Variants in DNAH9 observed in about 807,000 individuals in gnomAD.
DNAH9 encodes DNAH9 variant protein.
A neutral mutation model predicts 471.6 loss-of-function variants in DNAH9; 345 were observed. The observed-to-expected ratio is 0.73, with a 90% CI of 0.67 to 0.80. DNAH9 has a LOEUF of 0.80. Among genes scored for constraint, DNAH9 ranks in the 30% least tolerant of loss-of-function variants. The pLI, the probability that DNAH9 is intolerant of heterozygous loss-of-function variation, is 0.00. For missense variants in DNAH9, 5,407 were observed against 5,609.2 expected (o/e 0.96, Z 1.15); for synonymous variants, 2,093 against 2,123.6 (o/e 0.99, Z 0.40).
chr17:11,672,105 A>T (rs2073982361), intron 17 of DNAH9, among the ~76,000 whole-genome samples: 1 of 152,174 alleles, frequency 6.6e-6, no homozygotes, highest in Non-Finnish European at 1.5e-5. Context: ...TGTGATTTCC[A>T]CCTTTCCTTA....
At position 11,623,474 on chromosome 17, in the gene DNAH9, T is replaced by G. The variant is rs2072913848; in HGVS notation, c.1350+3693T>G. Among the ~76,000 whole-genome samples the G allele has an allele frequency of 6.6e-6, 1 of 152,130 alleles. No homozygotes were observed. The highest frequency in any genetic ancestry group is 6.6e-5 in the Admixed American group (1 of 15,266). On this transcript the variant is annotated intron_variant, in intron 6 of 68. Coordinates refer to ENST00000262442, the MANE Select transcript of DNAH9 (RefSeq NM_001372.4). The surrounding 1 kb of genome is among the most constrained non-coding windows in gnomAD (Gnocchi z 4.1). ...TTTTCCTCATATTTCCTCCCCTCTT[T>G]TATTTTTAATCTCCCAAATGTCTGC...
rs769851807 is a variant in DNAH9 at position 11,784,553 on chromosome 17, C to A, written c.8061+14C>A. ...AACATTTTCCAGGTGAGTTCATCGG[C>A]TCCGAGACACCCTAGGGGCTTAGTG... On this transcript the variant is annotated intron_variant, in intron 41 of 68. Transcript: ENST00000262442. The A allele has an allele frequency of 1.2e-6, 2 of 1,614,154 alleles. No individual in the cohort carries two copies. Among genetic ancestry groups the A allele is most frequent in the South Asian group, 2.2e-5 (2 of 91,076 alleles).
Position 11,602,168 on chromosome 17 carries a change from C to T in DNAH9, c.417+3253C>T, listed in dbSNP as rs75477773. Among the ~76,000 whole-genome samples the T allele has an allele frequency of 4.1e-3, 620 of 152,092 alleles. 24 individuals are homozygous for T. The East Asian group carries it at 0.081, about 20-fold the overall frequency. On this transcript the variant is annotated intron_variant, in intron 1 of 68. Coordinates refer to ENST00000262442, the MANE Select transcript of DNAH9 (RefSeq NM_001372.4). ...AGCATAAGATTTGGAATCTCACAGA[C>T]CTAAGTCAAATTCTGGTTAAATTCA...
rs1321866760 is a variant in DNAH9, at chr17:11,651,308, G to C, written c.2337G>C (p.Leu779Phe). 8 of 1,613,048 alleles carry C rather than the reference G, an allele frequency of 5.0e-6. No individual in the cohort carries two copies. The highest frequency in any genetic ancestry group is 6.8e-6 in the Non-Finnish European group (8 of 1,179,680). Residue 779 changes from leucine to phenylalanine, a missense_variant, in exon 13 of 69, where the codon TTG becomes TTC. Physicochemically the swap from Leu to Phe is conservative, Grantham distance 22. Transcript: ENST00000262442. Reference protein sequence around the residue: ...DLRLRAAEETLNWKTEGICDY... With the variant: ...DLRLRAAEETFNWKTEGICDY... ...GCCTCAGAGCAGCAGAGGAGACTTT[G>C]AACTGGAAAACAGAAGGTAACAGGG...
chr17:11,744,981 C>T lies in DNAH9; in HGVS notation c.6296C>T (p.Pro2099Leu), dbSNP rs768380502. 6.2e-7 allele frequency: 1 copy of T among 1,614,038 alleles called. No individual in the cohort carries two copies. Among genetic ancestry groups the T allele is most frequent in the African/African-American group, 1.3e-5 (1 of 74,908 alleles). Reference sequence around the variant, plus strand: ...ATGGGCCTGATCGGGGACCTCTTTCCCGCCCTGGATGTCCCCCGGAGGAGA... The same window carrying T: ...ATGGGCCTGATCGGGGACCTCTTTCTCGCCCTGGATGTCCCCCGGAGGAGA... ...IFMGLIGDLF[P>L]ALDVPRRRDP... The change falls in exon 31 of 69, where the codon CCC becomes CTC. Residue 2099 changes from proline (P) to leucine (L), a missense_variant. Transcript: ENST00000262442.
At position 11,762,969 on chromosome 17, in the gene DNAH9, C is replaced by T. The variant is rs148175648; in HGVS notation, c.6996-471C>T. ...TAATTTTTTGTATTTTTAGTAGAGA[C>T]GGGGTTTCACCATGTTAGCCAGAAT... is the stretch of plus-strand genomic sequence containing the variant. On this transcript the variant is annotated intron_variant, in intron 35 of 68. Transcript: ENST00000262442. Among the ~76,000 whole-genome samples the T allele has an allele frequency of 1.5e-4, 23 of 151,646 alleles. No homozygotes were observed. The East Asian group carries it at 2.7e-3, about 18-fold the overall frequency.
intron 12 of DNAH9, among the ~76,000 whole-genome samples, chr17:11,650,559 T>A (rs1455488128): frequency 6.6e-6 from 1 of 152,224 alleles, no homozygotes; most frequent in Non-Finnish European, 1.5e-5. Context: ...AATGATTACA[T>A]TGAATAACTA....
intron 4 of DNAH9, among the ~76,000 whole-genome samples, chr17:11,615,589 C>T (rs541473393): frequency 5.9e-5 from 9 of 151,360 alleles, no homozygotes; most frequent in African/African-American, 2.2e-4. Flanking sequence ...CATCCCCACC[C>T]CAAAAGAAAA....
intron 4 of DNAH9, among the ~76,000 whole-genome samples, chr17:11,615,478 G>C (rs1162933719): frequency 6.6e-6 from 1 of 151,996 alleles, no homozygotes; most frequent in African/African-American, 2.4e-5. Flanking sequence ...CCAGCTACTA[G>C]GGAGGCTGAG....
chr17:11,731,397 CT>C (rs554155627), intron 28 of DNAH9, among the ~76,000 whole-genome samples: 116 of 147,998 alleles, frequency 7.8e-4, no homozygotes, highest in African/African-American at 2.4e-3. Flanking sequence ...CAGGTCTTCT[CT>C]TTTTTTTTTT....
chr17:11,895,025 G>A (rs1973178722), intron 59 of DNAH9, among the ~76,000 whole-genome samples: 1 of 152,158 alleles, frequency 6.6e-6, no homozygotes, highest in Non-Finnish European at 1.5e-5. Flanking sequence ...TGGGCAATAG[G>A]TATTATTTGT....
rs567309813 is a variant in DNAH9, at chr17:11,753,867, C to A, written c.6738+907C>A. On this transcript the variant is annotated intron_variant, in intron 33 of 68. Transcript: ENST00000262442. ...TACCTGTGCAGGTTTGTTACGTAGGCAAACTCATGTCACAGGGGTTTGTTG... is the reference window on the plus strand; with the variant it reads ...TACCTGTGCAGGTTTGTTACGTAGGAAAACTCATGTCACAGGGGTTTGTTG... 5.1e-4 allele frequency among the ~76,000 whole-genome samples: 78 copies of A among 152,252 alleles called. 2 individuals are homozygous for A. The highest frequency in any genetic ancestry group is 6.8e-3 in the Middle Eastern group (2 of 294).
intron 51 of DNAH9, among the ~76,000 whole-genome samples, chr17:11,869,665 C>CT (rs1380015705): frequency 6.6e-6 from 1 of 152,154 alleles, no homozygotes; most frequent in Admixed American, 6.5e-5. Flanking sequence ...AGAATGAGAC[C>CT]TACTGACCCT....
rs1369461288 is a variant in DNAH9, at chr17:11,640,146, T to G, written c.1787-124T>G. The G allele has an allele frequency of 4.6e-6, 3 of 648,748 alleles. No individual in the cohort carries two copies. In the African/African-American group the frequency reaches 5.5e-5, roughly 12 times the overall value. The allele number at this position is 648,748 out of a possible 1,614,324, so 40.2% of individuals were successfully genotyped here. On this transcript the variant is annotated intron_variant, in intron 9 of 68. Coordinates refer to ENST00000262442, the MANE Select transcript of DNAH9 (RefSeq NM_001372.4). The stretch of plus-strand genomic sequence containing the variant: ...GAACCCCCCAGGAACTCCAGTGTGC[T>G]CCCAGGTGACTTTAGTCTGGAGATA...
rs780378036 is a variant in DNAH9, at chr17:11,699,700, T to A, written c.4873-31T>A. ...AATAAGCAGCTTCCCGAACATGTTT[T>A]ATGATCCATTGGCCTGGTTTCCCTT... On this transcript the variant is annotated intron_variant, in intron 22 of 68. Transcript: ENST00000262442. 4.4e-6 allele frequency: 7 copies of A among 1,609,160 alleles called. No homozygotes were observed. In the South Asian group the frequency reaches 7.7e-5, roughly 18 times the overall value.
At position 11,652,787 on chromosome 17, in the gene DNAH9, A is replaced by G; in HGVS notation, c.2380A>G (p.Thr794Ala). 1 of 1,613,636 alleles carries G rather than the reference A, an allele frequency of 6.2e-7. No homozygotes were observed. The highest frequency in any genetic ancestry group is 8.5e-7 in the Non-Finnish European group (1 of 1,179,660). Reference protein sequence around the residue: ...EGICDYVTEITSSIHDLEQRI... With the variant: ...EGICDYVTEIASSIHDLEQRI... ...CATTTGCGATTATGTCACTGAAATCACCAGTAGTATTCATGATCTTGAACA... is the reference window on the plus strand; with the variant it reads ...CATTTGCGATTATGTCACTGAAATCGCCAGTAGTATTCATGATCTTGAACA... Residue 794 changes from threonine to alanine, a missense_variant, in exon 14 of 69, where the codon ACC (threonine) becomes GCC (alanine). By Grantham distance (58) the Thr-to-Ala change is moderately conservative. Coordinates refer to ENST00000262442, the MANE Select transcript of DNAH9 (RefSeq NM_001372.4).
chr17:11,949,673 G>T (rs1975289374), intron 67 of DNAH9, among the ~76,000 whole-genome samples: 1 of 152,234 alleles, frequency 6.6e-6, no homozygotes, highest in South Asian at 2.1e-4. Context: ...TAGAGAGGGG[G>T]TTTCTCCATG....
At chr17:11,687,513 C>A (rs2074260353) in intron 19 of DNAH9, among the ~76,000 whole-genome samples, 1 of 152,076 alleles carries the variant, frequency 6.6e-6, no homozygotes, top group African/African-American at 2.4e-5. Context: ...TTTTTCACTC[C>A]TTTTGTATTC....
intron 48 of DNAH9, among the ~76,000 whole-genome samples, chr17:11,826,820 C>CTTT (rs760330537): frequency 0.016 from 1,616 of 102,962 alleles, 85 homozygotes; most frequent in East Asian, 0.12. Context: ...TCCCTACTTT[C>CTTT]TTTTTTTTTT....
Sources: gnomAD v4.1 joint callset for allele counts (sites outside exome capture counted in the v4.1 genomes callset) on GRCh38, gnomAD v4.1.1 for gene constraint, Gnocchi (gnomAD v3.1) non-coding constraint, MANE v1.5 for transcripts, NCBI Gene and HGNC (gene_info 2026-07-23, HGNC 2026-07-21) for gene names.